RARB: variants seen among roughly 807,000 people sequenced by gnomAD.
RARB encodes the protein HBV-activated protein.
Under a neutral mutation model 51.9 loss-of-function variants are expected in RARB, and 17 were observed. The ratio of observed to expected loss-of-function variants is 0.33; its 90% CI spans 0.22 to 0.49. RARB has a LOEUF of 0.49. Among genes scored for constraint, RARB ranks in the 20% least tolerant of loss-of-function variants. RARB has a pLI of 0.99. For missense variants in RARB, 369 were observed against 550.8 expected, an observed-to-expected ratio of 0.67 and a Z score of 3.30; for synonymous variants, 215 against 195.4, an observed-to-expected ratio of 1.10 and a Z score of -0.84.
chr3:25,505,544 A>ATTTT (rs5847359), intron 3 of RARB, among the ~76,000 whole-genome samples: 14 of 146,362 alleles, frequency 9.6e-5, no homozygotes, highest in Admixed American at 9.5e-4. Flanking sequence ...TTATTTCTTC[A>ATTTT]TTTTTTTTTT....
intron 3 of RARB, among the ~76,000 whole-genome samples, chr3:25,522,242 T>A (rs535864331): frequency 6.6e-6 from 1 of 152,238 alleles, no homozygotes; most frequent in South Asian, 2.1e-4. Flanking sequence ...ACCATGGACA[T>A]GTAGACTTAA....
At chr3:25,146,002 T>TA (rs34124476) in intron 4 of RARB, among the ~76,000 whole-genome samples, 36,633 of 146,410 alleles carry the variant, frequency 0.25, 4,580 homozygotes, top group South Asian at 0.34. Context: ...AAACTTCATC[T>TA]AAAAAAAAAA....
rs572200827 is a variant in RARB, at chr3:25,240,160, G to A, written c.178+65585G>A. ...TAGTTCATCATTGGTGTATAGAAAC[G>A]CTACTGCTTTTTGTATGTTTTATGT... On this transcript the variant is annotated intron_variant, in intron 5 of 11. Transcript: ENST00000383772. Among the ~76,000 whole-genome samples, 92 of 151,762 alleles carry A rather than the reference G, an allele frequency of 6.1e-4. 1 individual carries two copies. The South Asian group carries it at 0.015, about 24-fold the overall frequency.
chr3:25,123,738 C>T lies in RARB; in HGVS notation c.-327-8423C>T, dbSNP rs532148801. Among the ~76,000 whole-genome samples the T allele has an allele frequency of 2.1e-3, 325 of 152,282 alleles. 1 individual carries two copies. The highest frequency in any genetic ancestry group is 7.2e-3 in the African/African-American group (300 of 41,572). Reference sequence around the variant, plus strand: ...AGTATTATTTTGCTGCCTATTTTTACCCTCTTCTAGTCATAGGCTTAGCGT... The same window carrying T: ...AGTATTATTTTGCTGCCTATTTTTATCCTCTTCTAGTCATAGGCTTAGCGT... On this transcript the variant is annotated intron_variant, in intron 3 of 11. Coordinates refer to the RARB transcript ENST00000383772.
intron 2 of RARB, among the ~76,000 whole-genome samples, chr3:24,936,156 T>C (rs1209293544): frequency 6.6e-6 from 1 of 152,144 alleles, no homozygotes; most frequent in African/African-American, 2.4e-5. Context: ...ATTCCATCCA[T>C]GGTCCATGTT....
chr3:24,899,423 G>A (rs1703549231), intron 2 of RARB, among the ~76,000 whole-genome samples: 3 of 152,162 alleles, frequency 2.0e-5, no homozygotes, highest in African/African-American at 7.2e-5. Flanking sequence ...AATGTACCAG[G>A]CTGTTTGTGG....
At position 25,221,747 on chromosome 3, in the gene RARB, C is replaced by T. The variant is rs369741342; in HGVS notation, c.178+47172C>T. On this transcript the variant is annotated intron_variant, in intron 5 of 11. Transcript: ENST00000383772. The stretch of plus-strand genomic sequence containing the variant: ...CTTGATTGACACAAGCTCTCAAACC[C>T]GCATCTTTCAGCTGTCAATTTAGAG... Among the ~76,000 whole-genome samples, 86 of 152,062 alleles carry T rather than the reference C, an allele frequency of 5.7e-4. 2 individuals are homozygous for T. In the South Asian group the frequency reaches 0.014, roughly 25 times the overall value.
chr3:25,270,310 A>G (rs958806040), intron 5 of RARB, among the ~76,000 whole-genome samples: 3 of 152,186 alleles, frequency 2.0e-5, no homozygotes, highest in African/African-American at 7.2e-5. Context: ...TTAAAAAGGA[A>G]TGAAATTCAG....
chr3:25,406,537 A>G (rs917288938), intron 5 of RARB, among the ~76,000 whole-genome samples: 1 of 152,124 alleles, frequency 6.6e-6, no homozygotes, highest in African/African-American at 2.4e-5. Context: ...GCACACCCCC[A>G]GTGTCTCTTC....
intron 2 of RARB, among the ~76,000 whole-genome samples, chr3:24,965,905 G>A (rs557118027): frequency 6.6e-6 from 1 of 152,250 alleles, no homozygotes; most frequent in East Asian, 1.9e-4. Flanking sequence ...ATTTGTCATT[G>A]CAAAACACTG....
chr3:24,841,154 T>A (rs961591850), intron 1 of RARB, among the ~76,000 whole-genome samples: 1 of 152,214 alleles, frequency 6.6e-6, no homozygotes, highest in African/African-American at 2.4e-5. Context: ...GTTTCCCCAT[T>A]TTCTTTCTTG....
chr3:25,106,457 T>G (rs113812254), intron 3 of RARB, among the ~76,000 whole-genome samples: 1,056 of 40,578 alleles, frequency 0.026, 53 homozygotes, highest in East Asian at 0.091. Context: ...TTTTGTTTTT[T>G]GTTTTTTTTT....
At chr3:25,043,488 C>T (rs1698153015) in intron 2 of RARB, among the ~76,000 whole-genome samples, 1 of 152,164 alleles carries the variant, frequency 6.6e-6, no homozygotes, top group South Asian at 2.1e-4. Flanking sequence ...TTATTTTAAA[C>T]CTCTTTCAAC....
At chr3:25,205,064 G>A (rs1701502654) in intron 5 of RARB, among the ~76,000 whole-genome samples, 1 of 152,156 alleles carries the variant, frequency 6.6e-6, no homozygotes, top group Non-Finnish European at 1.5e-5. Flanking sequence ...GAGCTGTGGT[G>A]GGCTCTACCC....
chr3:25,418,912 G>A (rs1180427983), intron 5 of RARB, among the ~76,000 whole-genome samples: 1 of 149,980 alleles, frequency 6.7e-6, no homozygotes, highest in Non-Finnish European at 1.5e-5. Context: ...TAGGTTCATG[G>A]CTGAGGCCAC....
rs146168306 is a variant in RARB, at chr3:24,863,609, G to A, written c.-380+4857G>A. 7.9e-3 allele frequency among the ~76,000 whole-genome samples: 1,194 copies of A among 152,082 alleles called. 5 individuals carry two copies. The highest frequency in any genetic ancestry group is 0.012 in the Non-Finnish European group (822 of 67,994). ...TAGAAAACAGGGAATAAGATTTCTT[G>A]TACGCCTGGCCTGTTCATAAATCCA... On this transcript the variant is annotated intron_variant, in intron 2 of 11. Transcript: ENST00000383772.
chr3:25,257,926 G>T (rs1485227794), intron 5 of RARB, among the ~76,000 whole-genome samples: 1 of 152,044 alleles, frequency 6.6e-6, no homozygotes, highest in African/African-American at 2.4e-5. Context: ...GAAGTTAGTT[G>T]AGCCCCTTCA....
intron 5 of RARB, among the ~76,000 whole-genome samples, chr3:25,368,242 T>C (rs1049586386): frequency 6.6e-6 from 1 of 152,168 alleles, no homozygotes; most frequent in South Asian, 2.1e-4. Flanking sequence ...GTTAGCTGTT[T>C]TAATTACTGC....
At chr3:25,042,885 C>T (rs1698141877) in intron 2 of RARB, among the ~76,000 whole-genome samples, 1 of 152,226 alleles carries the variant, frequency 6.6e-6, no homozygotes, top group African/African-American at 2.4e-5. Context: ...CTGACAACCA[C>T]TTTTCTACTC....
Sources: gnomAD v4.1 joint callset for allele counts (sites outside exome capture counted in the v4.1 genomes callset) on GRCh38, gnomAD v4.1.1 for gene constraint, MANE v1.5 for transcripts, NCBI Gene and HGNC (gene_info 2026-07-23, HGNC 2026-07-21) for gene names.